The following TACC2 variants were observed in gnomAD, a reference collection of about 807,000 sequenced individuals.
TACC2 encodes transforming acidic coiled-coil-containing protein 2.
Under a neutral mutation model 227.3 loss-of-function variants are expected in TACC2, and 137 were observed. The observed-to-expected ratio is 0.60, with a 90% CI of 0.52 to 0.69. The LOEUF (loss-of-function observed/expected upper bound fraction) is 0.69. Among genes scored for constraint, TACC2 ranks in the 30% least tolerant of loss-of-function variants. TACC2 has a pLI of 0.00. For synonymous variants in TACC2, 1,523 were observed against 1,487.5 expected (o/e 1.02, Z -0.55); for missense variants, 3,470 against 3,694.4 (o/e 0.94, Z 1.57).
At position 122,237,537 on chromosome 10, in the gene TACC2, A is replaced by G. The variant is rs1448067248; in HGVS notation, c.8270A>G (p.Glu2757Gly). 1.2e-6 allele frequency: 2 copies of G among 1,611,834 alleles called. No homozygotes were observed. Among genetic ancestry groups the G allele is most frequent in the Non-Finnish European group, 8.5e-7 (1 of 1,178,826 alleles). The change falls in exon 17 of 23, where the codon GAG becomes GGG. Residue 2757 changes from glutamate (E) to glycine (G), a missense_variant and splice_region_variant. This residue lies in a region of TACC2 where 345 missense variants were observed against 354.4 expected (regional missense o/e 0.97). Transcript: ENST00000369005. ...LDSALQIARA[E>G]IITKEREVSE... ...TCTGCCCTCCAGATCGCCAGAGCAGAGGTATCGTGGCATGTGGTGTAATTA... is the reference window on the plus strand; with the variant it reads ...TCTGCCCTCCAGATCGCCAGAGCAGGGGTATCGTGGCATGTGGTGTAATTA...
intron 8 of TACC2, among the ~76,000 whole-genome samples, chr10:122,204,665 A>T (rs36036644): frequency 0.26 from 39,148 of 152,074 alleles, 6,139 homozygotes; most frequent in Middle Eastern, 0.39. Flanking sequence ...GCAAGACTGC[A>T]TCTCTACAAA....
chr10:122,182,099 C>T (rs1012982422), intron 7 of TACC2, among the ~76,000 whole-genome samples: 1 of 152,166 alleles, frequency 6.6e-6, no homozygotes, highest in Non-Finnish European at 1.5e-5. Flanking sequence ...ATGATTGAGA[C>T]TCGTTGAGAC....
chr10:122,163,496 GT>G (rs2092951045), intron 7 of TACC2: 1 of 924,532 alleles, frequency 1.1e-6, no homozygotes, highest in South Asian at 5.0e-5. Flanking sequence ...CCCCAGCCCC[GT>G]TTCCGGAGCC....
At chr10:122,120,100 T>C (rs564648783) in intron 5 of TACC2, among the ~76,000 whole-genome samples, 82 of 152,178 alleles carry the variant, frequency 5.4e-4, no homozygotes, top group African/African-American at 1.9e-3. Context: ...GATTAAATTG[T>C]GTATGAGGAG....
In TACC2 at chr10:122,082,942, G is replaced by T; in HGVS notation, c.442G>T (p.Gly148Ter). The T allele has an allele frequency of 6.2e-7, 1 of 1,613,060 alleles. No individual in the cohort carries two copies. The highest frequency in any genetic ancestry group is 8.5e-7 in the Non-Finnish European group (1 of 1,180,026). ...PRREPAPNAP[G>*]DIAAAFPAER... is the part of the protein sequence containing the mutation. ...GAGGGAACCTGCCCCAAATGCCCCA[G>T]GAGACATCGCGGCGGCATTTCCCGC... Residue 148 changes from glycine to a stop codon, truncating the protein, a stop_gained, in exon 4 of 23, where the codon GGA becomes TGA. Coordinates refer to ENST00000369005, the MANE Select transcript of TACC2 (RefSeq NM_206862.4). LOFTEE classifies it high-confidence loss of function.
intron 5 of TACC2, among the ~76,000 whole-genome samples, chr10:122,113,898 TC>T (rs1279893749): frequency 2.6e-5 from 4 of 152,186 alleles, no homozygotes; most frequent in African/African-American, 9.6e-5. Flanking sequence ...AAATCCAGTG[TC>T]GGGGCGCTGG....
At chr10:122,078,148 T>C (rs1402126065) in intron 3 of TACC2, among the ~76,000 whole-genome samples, 2 of 141,172 alleles carry the variant, frequency 1.4e-5, no homozygotes, top group Non-Finnish European at 3.0e-5. Flanking sequence ...TAAGCTGAGA[T>C]TGTGCCACTG....
chr10:122,192,907 C>A, intron 7 of TACC2: 1 of 386,940 alleles, frequency 2.6e-6, no homozygotes, highest in South Asian at 1.8e-5. Context: ...ACCCAGGGCT[C>A]GCCAGGCTGA....
chr10:122,163,471 TC>T, intron 7 of TACC2: 1 of 687,444 alleles, frequency 1.5e-6, no homozygotes, highest in Non-Finnish European at 1.8e-6. Context: ...AGAGGGAGGG[TC>T]TTCGCCTCCC....
chr10:122,224,811 C>T lies in TACC2; in HGVS notation c.7608+24C>T, dbSNP rs749335384. On this transcript the variant is annotated intron_variant, in intron 12 of 22. Coordinates refer to ENST00000369005, the MANE Select transcript of TACC2 (RefSeq NM_206862.4). Reference sequence around the variant, plus strand: ...CTGTAAGTTCGTCTGCCTCGGGCCACTTAGGGGACTCGCTTTCCTGCCTTC... The same window carrying T: ...CTGTAAGTTCGTCTGCCTCGGGCCATTTAGGGGACTCGCTTTCCTGCCTTC... 5.6e-6 allele frequency: 9 copies of T among 1,604,576 alleles called. No homozygotes were observed. In the Admixed American group the frequency reaches 1.5e-4, roughly 27 times the overall value.
intron 7 of TACC2, among the ~76,000 whole-genome samples, chr10:122,172,283 G>A (rs575299740): frequency 3.9e-5 from 6 of 152,316 alleles, no homozygotes; most frequent in Admixed American, 2.6e-4. Flanking sequence ...GCTGCTTTCC[G>A]TCTACTGCTG....
intron 1 of TACC2, among the ~76,000 whole-genome samples, chr10:122,011,054 C>T (rs1955855734): frequency 1.3e-5 from 2 of 152,192 alleles, no homozygotes; most frequent in South Asian, 4.1e-4. Context: ...TTTAGGTTGG[C>T]TCTTGGGTAA....
chr10:122,042,107 G>A (rs1382124460), intron 2 of TACC2, among the ~76,000 whole-genome samples: 1 of 151,452 alleles, frequency 6.6e-6, no homozygotes, highest in Admixed American at 6.6e-5. Flanking sequence ...GACCACGCCC[G>A]GCTAACTTTT....
chr10:122,127,145 G>T, intron 5 of TACC2: 1 of 166,616 alleles, frequency 6.0e-6, no homozygotes, highest in South Asian at 1.7e-4. Context: ...CCAGAACTGT[G>T]AGCAATACAT....
intron 7 of TACC2, among the ~76,000 whole-genome samples, chr10:122,186,550 G>C (rs1341949443): frequency 2.7e-5 from 4 of 150,898 alleles, no homozygotes; most frequent in Admixed American, 2.6e-4. Flanking sequence ...GTCTTGCTCT[G>C]TCACCCAGGC....
intron 2 of TACC2, among the ~76,000 whole-genome samples, chr10:122,028,065 C>CTTTTTTCTTTCTTTCTTTCTTTTTTT (rs1958287330): frequency 2.6e-5 from 3 of 114,326 alleles, no homozygotes; most frequent in African/African-American, 3.9e-5. Flanking sequence ...TTCTTTTTTT[C>CTTTTTTCTTTCTTTCTTTCTTTTTTT]TTTTTTCTTT....
intron 2 of TACC2, chr10:122,032,972 AAACAACAACAACAAC>A (rs5788528): frequency 4.3e-6 from 2 of 460,902 alleles, no homozygotes; most frequent in East Asian, 1.5e-4. Flanking sequence ...CAAAACAACA[AAACAACAACAACAAC>A]AACAACAACA....
At chr10:122,206,871 G>A (rs979308623) in intron 8 of TACC2, among the ~76,000 whole-genome samples, 6 of 152,110 alleles carry the variant, frequency 3.9e-5, no homozygotes, top group South Asian at 2.1e-4. Flanking sequence ...CTATGTCCTC[G>A]GCACACCCCC....
Position 122,084,488 on chromosome 10 carries a change from T to C in TACC2, c.1988T>C (p.Leu663Pro). Residue 663 changes from leucine to proline, a missense_variant, in exon 4 of 23, where the codon CTG (leucine) becomes CCG (proline). Physicochemically the swap from Leu to Pro is moderately conservative, Grantham distance 98 (BLOSUM62 -3). Coordinates refer to ENST00000369005, the MANE Select transcript of TACC2 (RefSeq NM_206862.4). ...GATGCATCTGGCCTACCACACAAGC[T>C]GGGTGAGGAGGACCCCGTCCTGCCC... ...EADASGLPHK[L>P]GEEDPVLPPV... 1.2e-6 allele frequency: 2 copies of C among 1,613,284 alleles called. No individual in the cohort carries two copies. The highest frequency in any genetic ancestry group is 1.7e-6 in the Non-Finnish European group (2 of 1,179,986).
Sources: gnomAD v4.1 joint callset for allele counts (sites outside exome capture counted in the v4.1 genomes callset) on GRCh38, gnomAD v4.1.1 for gene constraint, gnomAD v4.1.1 regional missense constraint, MANE v1.5 for transcripts, NCBI Gene and HGNC (gene_info 2026-07-23, HGNC 2026-07-21) for gene names.